The following DLC1 variants were observed in gnomAD, a reference collection of about 807,000 sequenced individuals.
The protein encoded by DLC1 is DLC1 Rho GTPase activating protein.
In DLC1, 54 loss-of-function variants were observed where a neutral mutation model predicts 140.3. The ratio of observed to expected loss-of-function variants is 0.38; its 90% CI spans 0.31 to 0.48. The LOEUF (loss-of-function observed/expected upper bound fraction) is 0.48, where lower values mean the gene tolerates loss of function less well. DLC1 is among the 20% of genes least tolerant of loss of function. DLC1 has a pLI of 0.96. For synonymous variants in DLC1, 986 were observed against 728.1 expected (o/e 1.35, Z -5.70); for missense variants, 2,536 against 1,907.0 (o/e 1.33, Z -6.14).
intron 7 of DLC1, among the ~76,000 whole-genome samples, chr8:13,105,787 C>T (rs887998744): frequency 1.8e-4 from 27 of 152,050 alleles, no homozygotes; most frequent in African/African-American, 5.3e-4. Flanking sequence ...CCATGTTGCC[C>T]GGCTGGTCTC....
At chr8:13,231,484 C>T (rs369411227) in intron 5 of DLC1, among the ~76,000 whole-genome samples, 5 of 152,264 alleles carry the variant, frequency 3.3e-5, no homozygotes, top group East Asian at 1.9e-4. Flanking sequence ...AAAAATGATT[C>T]GAATCAGTTA....
At chr8:13,142,906 G>A (rs1056342558) in intron 5 of DLC1, among the ~76,000 whole-genome samples, 2 of 152,082 alleles carry the variant, frequency 1.3e-5, no homozygotes, top group African/African-American at 4.8e-5. Flanking sequence ...AAAATTAGCT[G>A]GGTGTGGTGG....
intron 4 of DLC1, among the ~76,000 whole-genome samples, chr8:13,332,472 C>G (rs1316242387): frequency 6.7e-6 from 1 of 150,092 alleles, no homozygotes; most frequent in Non-Finnish European, 1.5e-5. Context: ...GCTGTTTTGC[C>G]CAGACTGGAG....
chr8:13,549,844 G>A (rs548049841), intron 1 of DLC1, among the ~76,000 whole-genome samples: 1 of 152,214 alleles, frequency 6.6e-6, no homozygotes, highest in South Asian at 2.1e-4. Flanking sequence ...AGATGGTCTA[G>A]CAACATGTTA....
intron 5 of DLC1, among the ~76,000 whole-genome samples, chr8:13,130,131 A>C (rs977541759): frequency 2.0e-4 from 30 of 152,176 alleles, no homozygotes; most frequent in African/African-American, 6.0e-4. Flanking sequence ...TTACCCGCTT[A>C]AGTCATAAAA....
chr8:13,567,353 C>T (rs1228001726), intron 1 of DLC1: 2 of 1,551,634 alleles, frequency 1.3e-6, no homozygotes, highest in African/African-American at 1.4e-5. Flanking sequence ...GAATTGAATG[C>T]CCTGCAGTCT....
chr8:13,245,305 G>A (rs1165048356), intron 5 of DLC1, among the ~76,000 whole-genome samples: 1 of 152,168 alleles, frequency 6.6e-6, no homozygotes, highest in Non-Finnish European at 1.5e-5. Flanking sequence ...TAGCTGTCTT[G>A]CAACCCTAGC....
chr8:13,125,176 C>T (rs112329933), intron 5 of DLC1, among the ~76,000 whole-genome samples: 10,933 of 152,186 alleles, frequency 0.072, 575 homozygotes, highest in African/African-American at 0.16. Flanking sequence ...GGGGTTTCGC[C>T]ATGTTGGCCA....
chr8:13,576,845 G>T (rs1258313872), intron 1 of DLC1, among the ~76,000 whole-genome samples: 1 of 152,322 alleles, frequency 6.6e-6, no homozygotes, highest in African/African-American at 2.4e-5. Flanking sequence ...CCTACGAGTA[G>T]CTTGGTAAAG....
intron 5 of DLC1, among the ~76,000 whole-genome samples, chr8:13,203,802 C>G (rs111535142): frequency 7.9e-5 from 12 of 152,276 alleles, no homozygotes; most frequent in African/African-American, 2.9e-4. Context: ...TTTTGGGAAA[C>G]AGAACAGAAT....
At chr8:13,250,327 T>C (rs1829948331) in intron 5 of DLC1, among the ~76,000 whole-genome samples, 1 of 152,186 alleles carries the variant, frequency 6.6e-6, no homozygotes, top group South Asian at 2.1e-4. Flanking sequence ...GAGTTCCCTA[T>C]AGTTCAAAGA....
intron 2 of DLC1, among the ~76,000 whole-genome samples, chr8:13,404,173 T>C (rs536932116): frequency 1.3e-5 from 2 of 152,240 alleles, no homozygotes; most frequent in Admixed American, 1.3e-4. Flanking sequence ...AAGGCACTGT[T>C]TGGGGAGCAT....
At chr8:13,542,544 A>G (rs1316562633) in intron 1 of DLC1, among the ~76,000 whole-genome samples, 1 of 152,084 alleles carries the variant, frequency 6.6e-6, no homozygotes, top group African/African-American at 2.4e-5. Context: ...CTGGTCATCA[A>G]TTTCTTTGAA....
At chr8:13,511,980 A>G (rs1802386682) in intron 1 of DLC1, among the ~76,000 whole-genome samples, 1 of 152,162 alleles carries the variant, frequency 6.6e-6, no homozygotes, top group East Asian at 1.9e-4. Context: ...AGTGAGTTAT[A>G]TGGTATGGGT....
intron 5 of DLC1, chr8:13,276,216 T>G: frequency 6.5e-7 from 1 of 1,530,840 alleles, no homozygotes; most frequent in Non-Finnish European, 8.7e-7. Flanking sequence ...TTGTTTTCTT[T>G]TTAATACCCC....
intron 5 of DLC1, among the ~76,000 whole-genome samples, chr8:13,143,053 A>AG (rs1266753544): frequency 2.0e-5 from 3 of 151,982 alleles, no homozygotes; most frequent in East Asian, 1.9e-4. Flanking sequence ...CAAAAAAAAA[A>AG]AAAAAGGCAG....
At chr8:13,434,277 A>G (rs185245932) in intron 2 of DLC1, among the ~76,000 whole-genome samples, 1 of 152,238 alleles carries the variant, frequency 6.6e-6, no homozygotes, top group Non-Finnish European at 1.5e-5. Context: ...GGTGAGATGG[A>G]ACAGTGAGTT....
intron 3 of DLC1, 111 bp from the exon 4 acceptor site, chr8:13,393,804 C>T (rs893519113): frequency 1.7e-5 from 22 of 1,289,538 alleles, no homozygotes; most frequent in Non-Finnish European, 2.0e-5. Flanking sequence ...CACACTGATA[C>T]ACTAAAGAGT....
chr8:13,225,152 T>C (rs1213277779), intron 5 of DLC1, among the ~76,000 whole-genome samples: 1 of 152,208 alleles, frequency 6.6e-6, no homozygotes, highest in Non-Finnish European at 1.5e-5. Context: ...AGAAAGCTGA[T>C]AGGCTTGTGT....
Sources: allele counts gnomAD v4.1 joint callset (sites outside exome capture counted in the v4.1 genomes callset), GRCh38; gene constraint gnomAD v4.1.1; transcripts MANE v1.5; gene names NCBI Gene and HGNC (gene_info 2026-07-23, HGNC 2026-07-21).